The following IQGAP1 variants were observed in gnomAD, a reference collection of about 807,000 sequenced individuals.
IQGAP1 encodes ras GTPase-activating-like protein IQGAP1.
IQGAP1 carries 66 observed loss-of-function variants against 215.6 expected under a neutral mutation model. The observed-to-expected ratio is 0.31, with a 90% confidence interval of 0.25 to 0.38. The LOEUF (loss-of-function observed/expected upper bound fraction) is 0.38. Ranked by LOEUF, IQGAP1 falls within the 10% of genes least tolerant of loss-of-function variation. IQGAP1 has a pLI of 1.00. For missense variants in IQGAP1, 1,712 were observed against 1,997.1 expected (o/e 0.86, Z 2.72); for synonymous variants, 772 against 728.7 (o/e 1.06, Z -0.96).
chr15:90,458,796 C>T (rs765636794), intron 15 of IQGAP1, among the ~76,000 whole-genome samples: 1 of 152,066 alleles, frequency 6.6e-6, no homozygotes, highest in Non-Finnish European at 1.5e-5. Flanking sequence ...GTGATTCAAC[C>T]CTCTCCACAG....
At chr15:90,491,744 G>A (rs1312531313) in intron 34 of IQGAP1, 199 bp downstream of exon 34, 6 of 564,796 alleles carry the variant, frequency 1.1e-5, no homozygotes, top group East Asian at 2.9e-5. Context: ...AAATTACTAG[G>A]GAGAGGACCT....
At chr15:90,394,802 A>ATTT (rs1964689062) in intron 2 of IQGAP1, among the ~76,000 whole-genome samples, 1 of 95,176 alleles carries the variant, frequency 1.1e-5, no homozygotes, top group African/African-American at 5.8e-5. Context: ...TAATACCTCT[A>ATTT]CTTCTACTAA....
chr15:90,474,891 C>T (rs1226268952), intron 23 of IQGAP1, 198 bp downstream of exon 23: 2 of 557,136 alleles, frequency 3.6e-6, no homozygotes, highest in Non-Finnish European at 6.4e-6. Flanking sequence ...CTCACTGCAA[C>T]CTCTGCCTCC....
intron 2 of IQGAP1, among the ~76,000 whole-genome samples, chr15:90,404,010 A>G (rs1021755604): frequency 6.6e-6 from 1 of 152,196 alleles, no homozygotes; most frequent in African/African-American, 2.4e-5. Context: ...GTGAATGTGG[A>G]ATGAAGTGCC....
intron 9 of IQGAP1, among the ~76,000 whole-genome samples, chr15:90,443,792 G>A (rs1965485848): frequency 6.6e-6 from 1 of 152,084 alleles, no homozygotes; most frequent in Admixed American, 6.6e-5. Context: ...ATTAATCCCA[G>A]CACTTACATA....
intron 2 of IQGAP1, among the ~76,000 whole-genome samples, chr15:90,423,969 T>C (rs1724050062): frequency 6.6e-6 from 1 of 152,208 alleles, no homozygotes; most frequent in Non-Finnish European, 1.5e-5. Context: ...TCTACTGTGC[T>C]CTTTATCCGT....
At chr15:90,422,850 C>T (rs1210709454) in intron 2 of IQGAP1, among the ~76,000 whole-genome samples, 7 of 151,664 alleles carry the variant, frequency 4.6e-5, no homozygotes, top group African/African-American at 7.3e-5. Context: ...CATGTGCCAC[C>T]ACGCCTGGCT....
intron 2 of IQGAP1, among the ~76,000 whole-genome samples, chr15:90,419,911 G>C (rs1343024612): frequency 1.3e-5 from 2 of 152,188 alleles, no homozygotes; most frequent in Non-Finnish European, 2.9e-5. Flanking sequence ...AGACGTGAGG[G>C]GGCAGAGATG....
rs1966342414 is a variant in IQGAP1, at chr15:90,501,595, A to G, written c.*1487A>G. 6.6e-6 allele frequency: 1 copy of G among 152,190 alleles called. No individual in the cohort carries two copies. The highest frequency in any genetic ancestry group is 1.9e-4 in the East Asian group (1 of 5,200). 9.4% of individuals were successfully genotyped at this position (152,190 alleles called of 1,614,324 possible). On this transcript the variant is annotated 3_prime_UTR_variant, in exon 38 of 38. Transcript: ENST00000268182. Reference sequence around the variant, plus strand: ...CCTATTATAAATGCATTGGAGAAGTATTTTTATGAGACTCTTTACTCAGGT... The same window carrying G: ...CCTATTATAAATGCATTGGAGAAGTGTTTTTATGAGACTCTTTACTCAGGT...
intron 18 of IQGAP1, 132 bp downstream of exon 18, chr15:90,467,724 C>A: frequency 1.2e-6 from 1 of 863,240 alleles, no homozygotes; most frequent in Non-Finnish European, 1.7e-6. Flanking sequence ...AGCTGTTTTG[C>A]GGTAATTTTT....
Position 90,388,292 on chromosome 15 carries a change from C to T in IQGAP1, c.-50C>T, listed in dbSNP as rs760267608. On this transcript the variant is annotated 5_prime_UTR_variant, in exon 1 of 38. Coordinates refer to ENST00000268182, the MANE Select transcript of IQGAP1 (RefSeq NM_003870.4). ...CAGGAGCTGTAGCTACCGCCGTCCG[C>T]GCCTCCAAGGTTTCACGGCTTCCTC... 6.3e-7 allele frequency: 1 copy of T among 1,590,274 alleles called. No individual in the cohort carries two copies. The highest frequency in any genetic ancestry group is 1.7e-5 in the Admixed American group (1 of 59,224).
chr15:90,453,518 A>G (rs549409535), intron 13 of IQGAP1, among the ~76,000 whole-genome samples: 1 of 152,346 alleles, frequency 6.6e-6, no homozygotes, highest in Admixed American at 6.5e-5. Flanking sequence ...AAATAACACT[A>G]TCTCTGACAA....
At chr15:90,449,406 C>G (rs1411055985) in intron 10 of IQGAP1, among the ~76,000 whole-genome samples, 153 bp from the exon 11 acceptor site, 1 of 152,150 alleles carries the variant, frequency 6.6e-6, no homozygotes, top group Admixed American at 6.5e-5. Context: ...TTGGCTCTAC[C>G]TGGGGCTGCC....
intron 2 of IQGAP1, among the ~76,000 whole-genome samples, chr15:90,419,595 CAT>C (rs1445396940): frequency 3.3e-5 from 5 of 152,054 alleles, no homozygotes; most frequent in Non-Finnish European, 7.4e-5. Flanking sequence ...TTGTGAAAAA[CAT>C]AAAAAATATA....
chr15:90,460,515 C>T (rs748636585), intron 15 of IQGAP1, among the ~76,000 whole-genome samples: 5 of 152,074 alleles, frequency 3.3e-5, no homozygotes, highest in South Asian at 4.1e-4. Flanking sequence ...GACAGCCATG[C>T]GAGTGTGACC....
chr15:90,472,888 C>G lies in IQGAP1; in HGVS notation c.2227C>G (p.Leu743Val), dbSNP rs772867237. 3 of 1,613,914 alleles carry G rather than the reference C, an allele frequency of 1.9e-6. No individual in the cohort carries two copies. Among genetic ancestry groups the G allele is most frequent in the Non-Finnish European group, 2.5e-6 (3 of 1,179,888 alleles). The change falls in exon 19 of 38, where the codon CTG becomes GTG. Residue 743 changes from leucine (L) to valine (V), a missense_variant. Leu to Val is a conservative substitution (Grantham distance 32). Transcript: ENST00000268182. ...CGCATATAACCGAGAACAGCTGTGG[C>G]TGGCCAATGAAGGCCTGATCACCAG... The part of the protein sequence containing the change: ...TAAYNREQLW[L>V]ANEGLITRLQ...
intron 2 of IQGAP1, among the ~76,000 whole-genome samples, chr15:90,410,841 A>T (rs1208651219): frequency 2.1e-5 from 2 of 94,988 alleles, no homozygotes; most frequent in Non-Finnish European, 3.8e-5. Context: ...CTTAAAGTAT[A>T]ATAAAAAAAA....
intron 2 of IQGAP1, among the ~76,000 whole-genome samples, chr15:90,395,079 A>G (rs1055273335): frequency 6.6e-6 from 1 of 152,214 alleles, no homozygotes; most frequent in Non-Finnish European, 1.5e-5. Context: ...TGGTTGAGAA[A>G]TAGAAAATGT....
chr15:90,424,638 A>G (rs1263651290), intron 2 of IQGAP1, among the ~76,000 whole-genome samples: 1 of 152,076 alleles, frequency 6.6e-6, no homozygotes, highest in Non-Finnish European at 1.5e-5. Context: ...GGAGTTCAAG[A>G]CCAGCCTGAC....
Sources: allele counts gnomAD v4.1 joint callset (sites outside exome capture counted in the v4.1 genomes callset), GRCh38; gene constraint gnomAD v4.1.1; transcripts MANE v1.5; gene names NCBI Gene and HGNC (gene_info 2026-07-23, HGNC 2026-07-21).